Variants in AGGF1 observed in about 807,000 individuals in gnomAD.
AGGF1 encodes the protein angiogenic factor with G patch and FHA domains 1.
A neutral mutation model predicts 86.5 loss-of-function variants in AGGF1; 56 were observed. The ratio of observed to expected loss-of-function variants is 0.65; its 90% CI spans 0.52 to 0.81. The LOEUF (loss-of-function observed/expected upper bound fraction) is 0.81, where lower values mean the gene tolerates loss of function less well. Among genes scored for constraint, AGGF1 ranks in the 30% least tolerant of loss-of-function variants. AGGF1 has a pLI of 0.00. For missense variants in AGGF1, 816 were observed against 850.9 expected (o/e 0.96, Z 0.51); for synonymous variants, 313 against 297.1 (o/e 1.05, Z -0.55).
At chr5:77,051,242 G>T (rs1433752432) in intron 8 of AGGF1, among the ~76,000 whole-genome samples, 1 of 151,996 alleles carries the variant, frequency 6.6e-6, no homozygotes, top group East Asian at 1.9e-4. Flanking sequence ...GACCATCCTG[G>T]CTAACACGGT....
rs1049706544 is a variant in AGGF1 at position 77,063,763 on chromosome 5, A to T, written c.*511A>T. 1.8e-5 allele frequency: 3 copies of T among 162,922 alleles called. No homozygotes were observed. The highest frequency in any genetic ancestry group is 6.0e-5 in the Admixed American group (1 of 16,726). The allele number at this position is 162,922 out of a possible 1,614,324, so 10.1% of individuals were successfully genotyped here. ...TTGTTATCCTTGAAATAGCCTAAGT[A>T]ATGTTATTGAAGAACTAATGAACAG... On this transcript the variant is annotated 3_prime_UTR_variant, in exon 14 of 14. Coordinates refer to ENST00000312916, the MANE Select transcript of AGGF1 (RefSeq NM_018046.5).
intron 5 of AGGF1, among the ~76,000 whole-genome samples, chr5:77,044,058 G>A (rs1164802916): frequency 1.6e-5 from 2 of 127,722 alleles, no homozygotes; most frequent in African/African-American, 6.0e-5. Flanking sequence ...TTCCTAGATG[G>A]GATGGCGGCC....
rs1305446794 is a variant in AGGF1 at position 77,030,878 on chromosome 5, A to C, written c.112A>C (p.Ser38Arg). The C allele has an allele frequency of 6.2e-7, 1 of 1,613,516 alleles. No homozygotes were observed. The highest frequency in any genetic ancestry group is 8.5e-7 in the Non-Finnish European group (1 of 1,180,006). The change falls in exon 1 of 14, where the codon AGC becomes CGC. Residue 38 changes from serine to arginine, a missense_variant. Around this residue, in one of 3 missense-constraint regions of AGGF1, gnomAD observed 240 missense variants for 234.4 expected, o/e 1.02. Transcript: ENST00000312916. ...KVEKLERELR[S>R]CKRQVREIEK... ...GGAGAAGTTGGAACGTGAACTGCGG[A>C]GCTGCAAGCGGCAGGTGCGGGAGAT...
rs1746819149 is a variant in AGGF1, at chr5:77,030,529, C to T, written c.-238C>T. 2 of 686,340 alleles carry T rather than the reference C, an allele frequency of 2.9e-6. No homozygotes were observed. The highest frequency in any genetic ancestry group is 1.5e-5 in the South Asian group (1 of 66,654). The allele number at this position is 686,340 out of a possible 1,614,324, so 42.5% of individuals were successfully genotyped here. A position where few individuals can be genotyped will look rare whatever the true frequency, so the allele number is the denominator to read the frequency against. ...GAAGGTAGTTTCCAGGAAAGTTTTC[C>T]GGTTTGCAGGCCGCGCACATCGGGC... On this transcript the variant is annotated 5_prime_UTR_variant, in exon 1 of 14. Coordinates refer to ENST00000312916, the MANE Select transcript of AGGF1 (RefSeq NM_018046.5).
chr5:77,031,067 C>T, intron 1 of AGGF1, 91 bp downstream of exon 1: 2 of 1,327,438 alleles, frequency 1.5e-6, no homozygotes, highest in Non-Finnish European at 2.1e-6. Flanking sequence ...CTGGCAGGGG[C>T]TCAGAACTAC....
At chr5:77,055,450 A>C in intron 10 of AGGF1, 64 bp from the exon 11 acceptor site, 1 of 1,014,970 alleles carries the variant, frequency 9.9e-7, no homozygotes. Context: ...AAATAACATT[A>C]GTTTTAATTT....
chr5:77,031,982 C>T (rs1746862640), intron 1 of AGGF1, among the ~76,000 whole-genome samples: 1 of 152,072 alleles, frequency 6.6e-6, no homozygotes, highest in African/African-American at 2.4e-5. Flanking sequence ...CAGATTATTT[C>T]CACATAGTAA....
At position 77,046,493 on chromosome 5, in the gene AGGF1, A is replaced by T. The variant is rs552559013; in HGVS notation, c.1017A>T (p.Gly339=). Residue 339 remains glycine (G), a synonymous_variant, in exon 6 of 14, where the codon GGA becomes GGT. Transcript: ENST00000312916. ...CCAAAGTCACTGTTCCAACTAGTGGAAATACTATAGAGTCTCCTCTTCATG... is the reference window on the plus strand; with the variant it reads ...CCAAAGTCACTGTTCCAACTAGTGGTAATACTATAGAGTCTCCTCTTCATG... ...SPPKVTVPTS[G]NTIESPLHEN... is the part of the protein sequence containing the mutation. 10 of 1,614,002 alleles carry T rather than the reference A, an allele frequency of 6.2e-6. No individual in the cohort carries two copies. Among genetic ancestry groups the T allele is most frequent in the Non-Finnish European group, 8.5e-6 (10 of 1,179,988 alleles).
intron 5 of AGGF1, among the ~76,000 whole-genome samples, chr5:77,043,658 C>T (rs1194191251): frequency 5.7e-5 from 7 of 123,304 alleles, no homozygotes; most frequent in African/African-American, 1.9e-4. Flanking sequence ...CCGGATGGGG[C>T]GGCTGGCCGG....
At chr5:77,057,856 T>G (rs1157619244) in intron 11 of AGGF1, among the ~76,000 whole-genome samples, 1 of 152,220 alleles carries the variant, frequency 6.6e-6, no homozygotes, top group Non-Finnish European at 1.5e-5. Context: ...CTGGACTGTT[T>G]TAGCCAATCC....
In AGGF1 at chr5:77,030,766, C is replaced by T. The variant is rs1561282039; in HGVS notation, c.-1C>T. 10 of 1,570,326 alleles carry T rather than the reference C, an allele frequency of 6.4e-6. No individual in the cohort carries two copies. The African/African-American group carries it at 9.4e-5, about 15-fold the overall frequency. On this transcript the variant is annotated 5_prime_UTR_variant, in exon 1 of 14. Coordinates refer to ENST00000312916, the MANE Select transcript of AGGF1 (RefSeq NM_018046.5). Reference sequence around the variant, plus strand: ...CGACGAGCAGTCTCGCGCCGGAGCTCATGGCCTCGGAGGCGCCGTCCCCGC... The same window carrying T: ...CGACGAGCAGTCTCGCGCCGGAGCTTATGGCCTCGGAGGCGCCGTCCCCGC...
chr5:77,036,828 C>T lies in AGGF1; in HGVS notation c.681+108C>T, dbSNP rs192293101. ...TCTCAGCTCACTGCAACTTTCACCC[C>T]CCAGGTTCAAGTGATTCTTATGTCT... is the stretch of plus-strand genomic sequence containing the variant. On this transcript the variant is annotated intron_variant, in intron 4 of 13. Transcript: ENST00000312916. 7.6e-5 allele frequency: 95 copies of T among 1,243,692 alleles called. No individual in the cohort carries two copies. The African/African-American group carries it at 1.3e-3, about 17-fold the overall frequency. The allele number at this position is 1,243,692 out of a possible 1,614,324, so 77.0% of individuals were successfully genotyped here.
At chr5:77,034,265 A>T (rs1292806065) in intron 1 of AGGF1, among the ~76,000 whole-genome samples, 153 bp from the exon 2 acceptor site, 2 of 152,262 alleles carry the variant, frequency 1.3e-5, no homozygotes, top group Non-Finnish European at 2.9e-5. Flanking sequence ...TTTTAAATGT[A>T]TAAAGTAAAA....
At position 77,064,494 on chromosome 5, in the gene AGGF1, G is replaced by T. The variant is rs1354786137; in HGVS notation, c.*1242G>T. The T allele has an allele frequency of 6.6e-6, 1 of 152,224 alleles. No individual in the cohort carries two copies. The highest frequency in any genetic ancestry group is 2.1e-4 in the South Asian group (1 of 4,830). 9.4% of individuals were successfully genotyped at this position (152,224 alleles called of 1,614,324 possible). On this transcript the variant is annotated 3_prime_UTR_variant, in exon 14 of 14. Coordinates refer to ENST00000312916, the MANE Select transcript of AGGF1 (RefSeq NM_018046.5). ...GAATTTCCAGTCTAAATGGCACAGG[G>T]TAGTTACGGAGAAAAGGGGATGGAG...
Position 77,052,686 on chromosome 5 carries a change from G to T in AGGF1, c.1366-20G>T, listed in dbSNP as rs1346079918. The T allele has an allele frequency of 6.5e-7, 1 of 1,548,002 alleles. No homozygotes were observed. Among genetic ancestry groups the T allele is most frequent in the Non-Finnish European group, 8.9e-7 (1 of 1,121,098 alleles). On this transcript the variant is annotated intron_variant, in intron 8 of 13. Coordinates refer to ENST00000312916, the MANE Select transcript of AGGF1 (RefSeq NM_018046.5). ...TTGAAAAGTATAATAATTAATAATT[G>T]CTTGATTTCACTTTCTAAGTTTCAT...
rs769746889 is a variant in AGGF1, at chr5:77,036,553, T to C, written c.517-3T>C. 9 of 1,613,926 alleles carry C rather than the reference T, an allele frequency of 5.6e-6. No individual in the cohort carries two copies. Among genetic ancestry groups the C allele is most frequent in the Admixed American group, 3.3e-5 (2 of 60,006 alleles). The stretch of plus-strand genomic sequence containing the variant: ...TTATTTGGCATGACTATATCTTTTA[T>C]AGGAGCCAGCATCTGCATTAGCAAC... On this transcript the variant is annotated splice_polypyrimidine_tract_variant and splice_region_variant and intron_variant, in intron 3 of 13. Transcript: ENST00000312916.
Position 77,030,772 on chromosome 5 carries a change from C to A in AGGF1, c.6C>A (p.Ala2=). Residue 2 remains alanine (A), a synonymous_variant, in exon 1 of 14, where the codon GCC becomes GCA. Coordinates refer to ENST00000312916, the MANE Select transcript of AGGF1 (RefSeq NM_018046.5). M[A]SEAPSPPRSP... Reference sequence around the variant, plus strand: ...GCAGTCTCGCGCCGGAGCTCATGGCCTCGGAGGCGCCGTCCCCGCCGCGGT... The same window carrying A: ...GCAGTCTCGCGCCGGAGCTCATGGCATCGGAGGCGCCGTCCCCGCCGCGGT... The A allele has an allele frequency of 6.4e-7, 1 of 1,573,948 alleles. No homozygotes were observed. The highest frequency in any genetic ancestry group is 8.6e-7 in the Non-Finnish European group (1 of 1,165,956).
chr5:77,044,549 ACTAT>A (rs916240208), intron 5 of AGGF1, among the ~76,000 whole-genome samples: 1 of 152,164 alleles, frequency 6.6e-6, no homozygotes, highest in Non-Finnish European at 1.5e-5. Flanking sequence ...TCACTTAATG[ACTAT>A]CTAATGTTCT....
intron 7 of AGGF1, among the ~76,000 whole-genome samples, 170 bp downstream of exon 7, chr5:77,048,442 C>T (rs970133064): frequency 6.6e-6 from 1 of 152,144 alleles, no homozygotes; most frequent in Non-Finnish European, 1.5e-5. Context: ...ACCTCCGCCT[C>T]CTGGGTTCAA....
Sources: gnomAD v4.1 joint callset for allele counts (sites outside exome capture counted in the v4.1 genomes callset) on GRCh38, gnomAD v4.1.1 for gene constraint, gnomAD v4.1.1 regional missense constraint, MANE v1.5 for transcripts, NCBI Gene and HGNC (gene_info 2026-07-23, HGNC 2026-07-21) for gene names.